LINGO2: variants seen among roughly 807,000 people sequenced by gnomAD.
The protein encoded by LINGO2 is leucine rich repeat and Ig domain containing 2, also known as leucine-rich repeat and immunoglobulin-like domain-containing nogo receptor-interacting protein 2.
In LINGO2, 14 loss-of-function variants were observed where a neutral mutation model predicts 30.6. That is an observed-to-expected ratio of 0.46 (90% CI 0.30 to 0.72). The LOEUF (loss-of-function observed/expected upper bound fraction) is 0.72. Ranked by LOEUF, LINGO2 falls within the 30% of genes least tolerant of loss-of-function variation. The probability of loss-of-function intolerance (pLI) is 0.07; values close to 1 mark genes in which losing one functional copy is unlikely to be tolerated. For missense variants in LINGO2, 729 were observed against 751.7 expected, an observed-to-expected ratio of 0.97 and a Z score of 0.35; for synonymous variants, 317 against 288.5, an observed-to-expected ratio of 1.10 and a Z score of -1.00.
At chr9:29,187,563 C>A in the LINGO2 span, among the ~76,000 whole-genome samples, 1 of 152,076 alleles carries the variant, frequency 6.6e-6, no homozygotes, top group African/African-American at 2.4e-5. Context: ...TTTTCTTTAG[C>A]CTTTTCCAAC....
At chr9:28,494,832 C>A (rs574163001) in intron 1 of LINGO2, among the ~76,000 whole-genome samples, 9 of 152,286 alleles carry the variant, frequency 5.9e-5, no homozygotes, top group Admixed American at 5.9e-4. Flanking sequence ...ACAGTCCCAC[C>A]AACAGTGTAA....
chr9:29,132,548 G>A, the LINGO2 span, among the ~76,000 whole-genome samples: 1 of 152,152 alleles, frequency 6.6e-6, no homozygotes, highest in South Asian at 2.1e-4. Context: ...CCTCTAGAGA[G>A]TATTTAAGCC....
At chr9:28,946,221 C>T in the LINGO2 span, among the ~76,000 whole-genome samples, 1 of 152,100 alleles carries the variant, frequency 6.6e-6, no homozygotes, top group Admixed American at 6.5e-5. Flanking sequence ...TTGATCACTA[C>T]TTCAAAGTAG....
the LINGO2 span, among the ~76,000 whole-genome samples, chr9:28,777,501 T>C: frequency 6.6e-6 from 1 of 152,212 alleles, no homozygotes; most frequent in African/African-American, 2.4e-5. Context: ...GATCAGGTAT[T>C]GGGAAAAACA....
chr9:28,213,144 A>G (rs1051778841), intron 4 of LINGO2, among the ~76,000 whole-genome samples: 1 of 151,540 alleles, frequency 6.6e-6, no homozygotes, highest in African/African-American at 2.4e-5. Flanking sequence ...ACCCACTTCA[A>G]CAGATTCTAC....
At chr9:28,434,132 A>C (rs2134971578) in intron 2 of LINGO2, among the ~76,000 whole-genome samples, 1 of 151,730 alleles carries the variant, frequency 6.6e-6, no homozygotes, top group South Asian at 2.1e-4. Flanking sequence ...TCTCACTTAC[A>C]AGTGGGAGCT....
intron 4 of LINGO2, among the ~76,000 whole-genome samples, chr9:28,269,438 T>C (rs1429392933): frequency 6.6e-6 from 1 of 152,136 alleles, no homozygotes; most frequent in Non-Finnish European, 1.5e-5. Context: ...ACTAAATCTG[T>C]TTTAATTTTC....
chr9:27,982,019 G>A (rs1306288711), intron 5 of LINGO2, among the ~76,000 whole-genome samples: 1 of 151,848 alleles, frequency 6.6e-6, no homozygotes, highest in African/African-American at 2.4e-5. Context: ...CTCTTGTCTT[G>A]TGTTTAATCT....
intron 4 of LINGO2, among the ~76,000 whole-genome samples, chr9:28,181,962 A>G (rs1041966944): frequency 5.3e-5 from 8 of 152,140 alleles, no homozygotes; most frequent in African/African-American, 1.9e-4. Flanking sequence ...GAAACAAACT[A>G]CTTTAAATTT....
At chr9:27,955,576 T>C (rs997461866) in intron 5 of LINGO2, among the ~76,000 whole-genome samples, 2 of 152,210 alleles carry the variant, frequency 1.3e-5, no homozygotes, top group Non-Finnish European at 2.9e-5. Flanking sequence ...TATACTCTTA[T>C]GTCCAGCATC....
At chr9:28,459,102 C>T (rs1417071313) in intron 2 of LINGO2, among the ~76,000 whole-genome samples, 1 of 151,914 alleles carries the variant, frequency 6.6e-6, no homozygotes, top group African/African-American at 2.4e-5. Flanking sequence ...TAGTACTCTA[C>T]AAAATTATTT....
chr9:28,957,110 C>T, the LINGO2 span, among the ~76,000 whole-genome samples: 1 of 152,034 alleles, frequency 6.6e-6, no homozygotes, highest in Non-Finnish European at 1.5e-5. Flanking sequence ...ATTCAGAAGC[C>T]TGGCAGTTGA....
the LINGO2 span, among the ~76,000 whole-genome samples, chr9:28,830,876 A>ATGCG: frequency 6.6e-6 from 1 of 151,066 alleles, no homozygotes; most frequent in Admixed American, 6.6e-5. Context: ...GTTCACTTGC[A>ATGCG]TGCGTGCGCA....
the LINGO2 span, among the ~76,000 whole-genome samples, chr9:28,761,484 G>A: frequency 9.4e-5 from 14 of 149,228 alleles, no homozygotes; most frequent in East Asian, 4.1e-4. Flanking sequence ...ATATACATGC[G>A]CACACACACA....
At chr9:29,175,407 G>GCATGCTTTATTGAACACTTTGTGCACCT in the LINGO2 span, among the ~76,000 whole-genome samples, 10 of 151,954 alleles carry the variant, frequency 6.6e-5, no homozygotes, top group Non-Finnish European at 1.2e-4. Context: ...CTAGAAGATT[G>GCATGCTTTATTGAACACTTTGTGCACCT]CATGCTTTAT....
chr9:28,773,560 T>C, the LINGO2 span, among the ~76,000 whole-genome samples: 32 of 152,136 alleles, frequency 2.1e-4, no homozygotes, highest in Non-Finnish European at 4.0e-4. Flanking sequence ...GGCTGCATAC[T>C]GAATAATTCC....
the LINGO2 span, among the ~76,000 whole-genome samples, chr9:29,156,140 A>G: frequency 6.6e-6 from 1 of 152,134 alleles, no homozygotes; most frequent in African/African-American, 2.4e-5. Context: ...ATAATATGGT[A>G]TACAATGAGT....
chr9:28,684,032 A>T, the LINGO2 span, among the ~76,000 whole-genome samples: 5 of 152,086 alleles, frequency 3.3e-5, no homozygotes, highest in African/African-American at 1.2e-4. Context: ...CAAAAATTCA[A>T]AAATTTCAAA....
the LINGO2 span, among the ~76,000 whole-genome samples, chr9:28,786,222 C>T: frequency 2.0e-5 from 3 of 152,040 alleles, no homozygotes; most frequent in African/African-American, 7.2e-5. Context: ...AAATATCTTC[C>T]TTTCTAATGC....
Sources: allele counts gnomAD v4.1 joint callset (sites outside exome capture counted in the v4.1 genomes callset), GRCh38; gene constraint gnomAD v4.1.1; transcripts MANE v1.5; gene names NCBI Gene and HGNC (gene_info 2026-07-23, HGNC 2026-07-21).